The following CCNF variants were observed in gnomAD, a reference collection of about 807,000 sequenced individuals.
The protein encoded by CCNF is cyclin-F.
In CCNF, 30 loss-of-function variants were observed where a neutral mutation model predicts 85.4. The ratio of observed to expected loss-of-function variants is 0.35; its 90% CI spans 0.26 to 0.48. CCNF has a LOEUF of 0.48. Among genes scored for constraint, CCNF ranks in the 20% least tolerant of loss-of-function variants. The pLI is 0.99. For missense variants in CCNF, 919 were observed against 1,010.4 expected, an observed-to-expected ratio of 0.91 and a Z score of 1.23; for synonymous variants, 439 against 425.1, an observed-to-expected ratio of 1.03 and a Z score of -0.40.
intron 3 of CCNF, 40 bp downstream of exon 3, chr16:2,433,107 C>G: frequency 7.6e-7 from 1 of 1,309,400 alleles, no homozygotes. Context: ...CTTCTCCTGC[C>G]TTGGCCTCCC....
At position 2,437,181 on chromosome 16, in the gene CCNF, C is replaced by T; in HGVS notation, c.399C>T (p.Arg133=). The T allele has an allele frequency of 6.2e-7, 1 of 1,612,078 alleles. No homozygotes were observed. Among genetic ancestry groups the T allele is most frequent in the Non-Finnish European group, 8.5e-7 (1 of 1,178,612 alleles). ...AAGTGAATGGCCTGAAGGCCTCTCG[C>T]TTCTTCAGTCTCGCTGAGCGGCTGA... is the stretch of plus-strand genomic sequence containing the variant. The part of the protein sequence containing the change: ...RAEVNGLKAS[R]FFSLAERLNV... Residue 133 remains arginine (R), a synonymous_variant, in exon 5 of 17, where the codon CGC becomes CGT. Coordinates refer to ENST00000397066, the MANE Select transcript of CCNF (RefSeq NM_001761.3).
chr16:2,443,115 TTACA>T (rs2065341388), intron 8 of CCNF, among the ~76,000 whole-genome samples: 2 of 133,412 alleles, frequency 1.5e-5, no homozygotes, highest in Non-Finnish European at 1.5e-5. Flanking sequence ...ATATAATATA[TTACA>T]TATTATATAT....
rs761997311 is a variant in CCNF at position 2,449,180 on chromosome 16, C to T, written c.1219-102C>T. On this transcript the variant is annotated intron_variant, in intron 11 of 16. Transcript: ENST00000397066. ...TGGTGCGCTACGCGTGCAGCATCGG[C>T]GTGAACATCATCCGGGCCAGACCCT... 2.6e-5 allele frequency: 38 copies of T among 1,480,880 alleles called. No individual in the cohort carries two copies. The East Asian group carries it at 3.4e-4, about 13-fold the overall frequency. The allele number at this position is 1,480,880 out of a possible 1,614,324, so 91.7% of individuals were successfully genotyped here. A position where few individuals can be genotyped will look rare whatever the true frequency, so the allele number is the denominator to read the frequency against.
chr16:2,432,820 C>T lies in CCNF; in HGVS notation c.172-141C>T, dbSNP rs537908514. 8 of 559,414 alleles carry T rather than the reference C, an allele frequency of 1.4e-5. No homozygotes were observed. In the East Asian group the frequency reaches 1.7e-4, roughly 12 times the overall value. The allele number at this position is 559,414 out of a possible 1,614,324, so 34.7% of individuals were successfully genotyped here. ...GCTCAAAGTGACAGTTACTTTCACACAGAGATTGGGGACCTCAACTACTTG... is the reference window on the plus strand; with the variant it reads ...GCTCAAAGTGACAGTTACTTTCACATAGAGATTGGGGACCTCAACTACTTG... On this transcript the variant is annotated intron_variant, in intron 2 of 16. Transcript: ENST00000397066.
In CCNF at chr16:2,456,748, G is replaced by A. The variant is rs747219952; in HGVS notation, c.2089G>A (p.Val697Ile). Residue 697 changes from valine to isoleucine, a missense_variant, in exon 17 of 17, where the codon GTC (valine) becomes ATC (isoleucine). Physicochemically the swap from Val to Ile is conservative, Grantham distance 29. Coordinates refer to ENST00000397066, the MANE Select transcript of CCNF (RefSeq NM_001761.3). The surrounding 1 kb of genome is among the most constrained non-coding windows in gnomAD (Gnocchi z 4.5). ...VRTSREPGKD[V>I]TTSGYSSVST... ...CACCAGCCGGGAGCCAGGGAAGGAC[G>A]TCACGACCTCAGGGTACTCCTCCGT... 15 of 1,612,328 alleles carry A rather than the reference G, an allele frequency of 9.3e-6. No homozygotes were observed. Among genetic ancestry groups the A allele is most frequent in the South Asian group, 5.5e-5 (5 of 90,918 alleles).
intron 1 of CCNF, among the ~76,000 whole-genome samples, chr16:2,430,579 ACT>A (rs1041040291): frequency 6.6e-6 from 1 of 151,800 alleles, no homozygotes; most frequent in African/African-American, 2.4e-5. Context: ...GCACACTGAG[ACT>A]CTGCAGAGCT....
rs1350379719 is a variant in CCNF at position 2,435,594 on chromosome 16, GAGAT to G, written c.279-210_279-207del. 8.5e-4 allele frequency among the ~76,000 whole-genome samples: 48 copies of G among 56,414 alleles called. 2 individuals carry two copies. Among genetic ancestry groups the G allele is most frequent in the African/African-American group, 7.2e-3 (45 of 6,256 alleles). 37.0% of individuals were successfully genotyped at this position (56,414 alleles called of 152,430 possible). On this transcript the variant is annotated intron_variant, in intron 3 of 16. Coordinates refer to ENST00000397066, the MANE Select transcript of CCNF (RefSeq NM_001761.3). ...AGCAAGACCCTGTCTCAGAGAGAGA[GAGAT>G]ATATATATATATATGCACACACACA...
At position 2,455,541 on chromosome 16, in the gene CCNF, G is replaced by T; in HGVS notation, c.1862G>T (p.Ser621Ile). The change falls in exon 16 of 17, where the codon AGT becomes ATT. Residue 621 changes from serine to isoleucine, a missense_variant. This residue lies in a region of CCNF where 505 missense variants were observed against 514.8 expected (regional missense o/e 0.98). Transcript: ENST00000397066. ...TCTGGCTATGAAGGCGACCAGGAGA[G>T]TGAGGGCGAGAAGGAGGGCGACGGT... Reference protein sequence around the residue: ...CCSGYEGDQESEGEKEGDVTA... With the variant: ...CCSGYEGDQEIEGEKEGDVTA... The T allele has an allele frequency of 6.2e-7, 1 of 1,600,564 alleles. No individual in the cohort carries two copies. The highest frequency in any genetic ancestry group is 8.6e-7 in the Non-Finnish European group (1 of 1,169,022).
chr16:2,432,299 T>C (rs1193119350), intron 2 of CCNF, among the ~76,000 whole-genome samples: 2 of 152,202 alleles, frequency 1.3e-5, no homozygotes, highest in African/African-American at 4.8e-5. Context: ...TTGAGTGACT[T>C]AACCTAGAGT....
At chr16:2,434,626 G>GTAAA (rs1213959513) in intron 3 of CCNF, among the ~76,000 whole-genome samples, 2 of 152,068 alleles carry the variant, frequency 1.3e-5, no homozygotes, top group African/African-American at 4.8e-5. Context: ...AAATAAATAA[G>GTAAA]TAAATAAATA....
Position 2,438,093 on chromosome 16 carries a change from C to CTGCT in CCNF, c.567_570dup (p.Gly191LeufsTer11). ...AGACTCACAAAGCATCCATATTGCA[C>CTGCT]TGCTTGGGCAGAGTGCTGAGTCTGT... On this transcript the variant is annotated frameshift_variant, in exon 6 of 17. Coordinates refer to ENST00000397066, the MANE Select transcript of CCNF (RefSeq NM_001761.3). LOFTEE classifies it high-confidence loss of function. 1 of 1,612,348 alleles carries CTGCT rather than the reference C, an allele frequency of 6.2e-7. No homozygotes were observed. The highest frequency in any genetic ancestry group is 8.5e-7 in the Non-Finnish European group (1 of 1,178,416).
At position 2,454,201 on chromosome 16, in the gene CCNF, G is replaced by A. The variant is rs546833027; in HGVS notation, c.1715+664G>A. ...ACCAGGCAGGGCTGCCTCCAGAAGC[G>A]TTGTGTCGGGAGTGGGCTCCTGGCA... On this transcript the variant is annotated intron_variant, in intron 15 of 16. Coordinates refer to ENST00000397066, the MANE Select transcript of CCNF (RefSeq NM_001761.3). Among the ~76,000 whole-genome samples, 16 of 152,304 alleles carry A rather than the reference G, an allele frequency of 1.1e-4. No individual in the cohort carries two copies. The East Asian group carries it at 1.7e-3, about 17-fold the overall frequency.
chr16:2,433,721 G>T (rs1165017644), intron 3 of CCNF, among the ~76,000 whole-genome samples: 1 of 152,216 alleles, frequency 6.6e-6, no homozygotes, highest in Admixed American at 6.5e-5. Flanking sequence ...GAGTAGCTAG[G>T]ATTACAGGCA....
chr16:2,449,034 G>T, intron 11 of CCNF, 56 bp downstream of exon 11: 1 of 1,397,668 alleles, frequency 7.2e-7, no homozygotes, highest in Non-Finnish European at 1.0e-6. Flanking sequence ...GCTGGAGGGT[G>T]GGGGTGGGCA....
chr16:2,457,949 C>T lies in CCNF; in HGVS notation c.*929C>T, dbSNP rs1054729401. 1 of 152,198 alleles carries T rather than the reference C, an allele frequency of 6.6e-6. No individual in the cohort carries two copies. The highest frequency in any genetic ancestry group is 6.5e-5 in the Admixed American group (1 of 15,274). 9.4% of individuals were successfully genotyped at this position (152,198 alleles called of 1,614,324 possible). A position where few individuals can be genotyped will look rare whatever the true frequency, so the allele number is the denominator to read the frequency against. On this transcript the variant is annotated 3_prime_UTR_variant, in exon 17 of 17. Coordinates refer to ENST00000397066, the MANE Select transcript of CCNF (RefSeq NM_001761.3). ...AGTCCTCTGTAACATCTGAGGTGAC[C>T]AAGAGGCAGAAGAGCAGAGCAGTCG... is the stretch of plus-strand genomic sequence containing the variant.
At chr16:2,443,058 TC>T (rs2065340677) in intron 8 of CCNF, among the ~76,000 whole-genome samples, 1 of 115,268 alleles carries the variant, frequency 8.7e-6, no homozygotes, top group East Asian at 2.2e-4. Flanking sequence ...TGTTATAATA[TC>T]TATAATATAT....
intron 8 of CCNF, among the ~76,000 whole-genome samples, chr16:2,442,854 ATATAT>A (rs1355972318): frequency 1.1e-4 from 8 of 71,486 alleles, no homozygotes; most frequent in East Asian, 4.7e-4. Context: ...TATATATAAT[ATATAT>A]TATATTATAT....
intron 8 of CCNF, among the ~76,000 whole-genome samples, chr16:2,443,002 A>G (rs1256511969): frequency 8.9e-6 from 1 of 112,602 alleles, no homozygotes; most frequent in Non-Finnish European, 1.7e-5. Flanking sequence ...TTAATTATAT[A>G]TTATATAATT....
intron 15 of CCNF, among the ~76,000 whole-genome samples, chr16:2,455,041 CAG>C (rs1244435050): frequency 2.4e-5 from 3 of 123,000 alleles, no homozygotes; most frequent in South Asian, 2.4e-4. Context: ...GCCTGGGCGA[CAG>C]AGCAAGAACA....
Sources: gnomAD v4.1 joint callset for allele counts (sites outside exome capture counted in the v4.1 genomes callset) on GRCh38, gnomAD v4.1.1 for gene constraint, gnomAD v4.1.1 regional missense constraint, Gnocchi (gnomAD v3.1) non-coding constraint, MANE v1.5 for transcripts, NCBI Gene and HGNC (gene_info 2026-07-23, HGNC 2026-07-21) for gene names.